The following TAF15 variants were observed in gnomAD, a reference collection of about 807,000 sequenced individuals.
TAF15 encodes TATA-box binding protein associated factor 15.
In TAF15, 37 loss-of-function variants were observed where a neutral mutation model predicts 102.5. That is an observed-to-expected ratio of 0.36 (90% CI 0.28 to 0.47). The LOEUF is 0.47. TAF15 is among the 20% of genes least tolerant of loss of function. The pLI, the probability that TAF15 is intolerant of heterozygous loss-of-function variation, is 0.99. For missense variants in TAF15, 652 were observed against 760.7 expected (o/e 0.86, Z 1.68); for synonymous variants, 273 against 259.2 (o/e 1.05, Z -0.51).
At chr17:35,838,125 T>A (rs890919105) in intron 10 of TAF15, among the ~76,000 whole-genome samples, 1 of 151,982 alleles carries the variant, frequency 6.6e-6, no homozygotes, top group African/African-American at 2.4e-5. Flanking sequence ...TGAGGCTACA[T>A]TGAGTATGAT....
Position 35,832,090 on chromosome 17 carries a change from C to CA in TAF15, c.606-1808dup, listed in dbSNP as rs372590905. On this transcript the variant is annotated intron_variant, in intron 7 of 15. Transcript: ENST00000605844. ...AAGACTCCGTCTGGGAAAAAACAAA[C>CA]AAAAAAAAACCTCTGAGATACCTTG... is the stretch of plus-strand genomic sequence containing the variant. 1.6e-3 allele frequency among the ~76,000 whole-genome samples: 247 copies of CA among 150,818 alleles called. 1 individual carries two copies. The highest frequency in any genetic ancestry group is 5.6e-3 in the African/African-American group (229 of 41,170).
At chr17:35,821,043 A>T (rs1374006661) in intron 5 of TAF15, among the ~76,000 whole-genome samples, 1 of 152,172 alleles carries the variant, frequency 6.6e-6, no homozygotes, top group Non-Finnish European at 1.5e-5. Flanking sequence ...CTCTAATGTG[A>T]TTGATCTTCA....
intron 9 of TAF15, 105 bp from the exon 10 acceptor site, chr17:35,836,027 A>G (rs2087470139): frequency 1.3e-6 from 1 of 793,188 alleles, no homozygotes; most frequent in Admixed American, 2.2e-5. Context: ...CCTTTTGGTC[A>G]TAGAAACAAT....
At chr17:35,822,907 C>T in intron 6 of TAF15, 74 bp downstream of exon 6, 2 of 1,562,412 alleles carry the variant, frequency 1.3e-6, no homozygotes, top group Non-Finnish European at 8.8e-7. Context: ...ATTAAAAGAA[C>T]CACAGAGGAT....
intron 1 of TAF15, among the ~76,000 whole-genome samples, chr17:35,812,855 C>T (rs564380168): frequency 1.3e-5 from 2 of 151,610 alleles, no homozygotes; most frequent in Non-Finnish European, 2.9e-5. Context: ...TGGCCGGGTG[C>T]GGTGGCTCAT....
chr17:35,822,079 C>T (rs1489480996), intron 5 of TAF15, among the ~76,000 whole-genome samples: 1 of 151,488 alleles, frequency 6.6e-6, no homozygotes, highest in Non-Finnish European at 1.5e-5. Context: ...CGGTGGCTCA[C>T]ACCTGTAATC....
intron 2 of TAF15, chr17:35,818,828 A>AG: frequency 6.6e-6 from 1 of 152,210 alleles, no homozygotes; most frequent in South Asian, 2.1e-4. Flanking sequence ...AAAAAAAAAA[A>AG]GTTTAAGCAA....
Position 35,844,691 on chromosome 17 carries a change from T to C in TAF15, c.1392T>C (p.Gly464=). ...GYGGDRGGGY[G]GDRGGGYGGD... ...GTGGGGACAGAGGCGGCGGCTATGG[T>C]GGGGACAGAGGAGGCGGCTATGGAG... The change falls in exon 15 of 16, where the codon GGT becomes GGC. Residue 464 remains glycine, a synonymous_variant. Transcript: ENST00000605844. 1.3e-6 allele frequency: 2 copies of C among 1,594,066 alleles called. No homozygotes were observed. The highest frequency in any genetic ancestry group is 1.7e-6 in the Non-Finnish European group (2 of 1,171,980).
chr17:35,817,642 TG>T, intron 1 of TAF15, 73 bp from the exon 2 acceptor site: 1 of 1,318,140 alleles, frequency 7.6e-7, no homozygotes, highest in Non-Finnish European at 1.1e-6. Context: ...ACATTTCTTC[TG>T]TATGAGCTAA....
rs186094335 is a variant in TAF15 at position 35,838,722 on chromosome 17, G to A, written c.913+169G>A. Among the ~76,000 whole-genome samples the A allele has an allele frequency of 5.3e-5, 8 of 152,276 alleles. No homozygotes were observed. In the South Asian group the frequency reaches 1.0e-3, roughly 20 times the overall value. On this transcript the variant is annotated intron_variant, in intron 11 of 15. Coordinates refer to ENST00000605844, the MANE Select transcript of TAF15 (RefSeq NM_139215.3). Reference sequence around the variant, plus strand: ...CTTTAGAAATGAGATGAGCTCTATCGTTGTTGGTCTAGCATATTTCGTTAT... The same window carrying A: ...CTTTAGAAATGAGATGAGCTCTATCATTGTTGGTCTAGCATATTTCGTTAT...
Position 35,822,768 on chromosome 17 carries a change from A to G in TAF15, c.419A>G (p.Asp140Gly), listed in dbSNP as rs1192825486. Reference protein sequence around the residue: ...DEQSNYDQQHDSYSQNQQSYH... With the variant: ...DEQSNYDQQHGSYSQNQQSYH... ...CAGTCAAATTATGATCAGCAGCATG[A>G]TTCCTATAGTCAAAACCAGCAGTCC... is the stretch of plus-strand genomic sequence containing the variant. Residue 140 changes from aspartate (D) to glycine (G), a missense_variant, in exon 6 of 16, where the codon GAT (aspartate) becomes GGT (glycine). By Grantham distance (94) the Asp-to-Gly change is moderately conservative. This residue lies in a region of TAF15 where 243 missense variants were observed against 284.1 expected (regional missense o/e 0.86). Transcript: ENST00000605844. 1 of 1,614,096 alleles carries G rather than the reference A, an allele frequency of 6.2e-7. No individual in the cohort carries two copies. Among genetic ancestry groups the G allele is most frequent in the Non-Finnish European group, 8.5e-7 (1 of 1,180,042 alleles).
intron 1 of TAF15, chr17:35,817,170 G>C (rs577554250): frequency 6.6e-6 from 1 of 152,078 alleles, no homozygotes; most frequent in South Asian, 2.1e-4. Context: ...GTGCCAATTG[G>C]CTGAATCCCT....
At chr17:35,838,300 G>A (rs2087500406) in intron 10 of TAF15, 124 bp from the exon 11 acceptor site, 11 of 1,278,406 alleles carry the variant, frequency 8.6e-6, no homozygotes, top group Admixed American at 2.0e-5. Flanking sequence ...CTTATTAGGT[G>A]CATAGTATTT....
At position 35,834,645 on chromosome 17, in the gene TAF15, T is replaced by TG. The variant is rs753835712; in HGVS notation, c.673+47_673+48insG. The TG allele has an allele frequency of 1.1e-5, 15 of 1,368,784 alleles. No homozygotes were observed. The African/African-American group carries it at 1.8e-4, about 16-fold the overall frequency. 84.8% of individuals were successfully genotyped at this position (1,368,784 alleles called of 1,614,324 possible). A position where few individuals can be genotyped will look rare whatever the true frequency, so the allele number is the denominator to read the frequency against. ...CACTTTGCCATTAAGAAAATGTTAG[T>TG]TTTTTTTTTGATGGGAAAAGTGTGT... On this transcript the variant is annotated intron_variant, in intron 9 of 15. Coordinates refer to ENST00000605844, the MANE Select transcript of TAF15 (RefSeq NM_139215.3).
chr17:35,840,261 T>G (rs1245543683), intron 11 of TAF15, among the ~76,000 whole-genome samples: 4 of 146,328 alleles, frequency 2.7e-5, no homozygotes, highest in Admixed American at 6.8e-5. Context: ...TTTTTTTTTT[T>G]TTTTTTTTGA....
chr17:35,819,276 T>G (rs1183775515), intron 2 of TAF15, among the ~76,000 whole-genome samples: 1 of 152,172 alleles, frequency 6.6e-6, no homozygotes, highest in Non-Finnish European at 1.5e-5. Flanking sequence ...GATAAAAAAT[T>G]TTGCAAGTGT....
chr17:35,843,729 G>T (rs559841990), intron 12 of TAF15, among the ~76,000 whole-genome samples: 1 of 152,282 alleles, frequency 6.6e-6, no homozygotes, highest in East Asian at 1.9e-4. Flanking sequence ...TGCTCAACTC[G>T]CAAGTATAAG....
intron 10 of TAF15, among the ~76,000 whole-genome samples, chr17:35,837,014 T>A (rs2087483156): frequency 6.6e-6 from 1 of 152,174 alleles, no homozygotes; most frequent in African/African-American, 2.4e-5. Flanking sequence ...CCTCAAGTGA[T>A]CCGCCCACCT....
chr17:35,828,816 C>G (rs1203479280), intron 7 of TAF15, among the ~76,000 whole-genome samples: 5 of 147,530 alleles, frequency 3.4e-5, no homozygotes, highest in African/African-American at 9.9e-5. Flanking sequence ...TTCCTTTTTT[C>G]ATATTAAAAT....
Sources: allele counts gnomAD v4.1 joint callset (sites outside exome capture counted in the v4.1 genomes callset), GRCh38; gene constraint gnomAD v4.1.1; regional missense constraint gnomAD v4.1.1; transcripts MANE v1.5; gene names NCBI Gene and HGNC (gene_info 2026-07-23, HGNC 2026-07-21).